The following PIK3C2A variants were observed in gnomAD, a reference collection of about 807,000 sequenced individuals.
The protein encoded by PIK3C2A is phosphatidylinositol 4-phosphate 3-kinase C2 domain-containing subunit alpha.
In PIK3C2A, 97 loss-of-function variants were observed where a neutral mutation model predicts 204.5. The ratio of observed to expected loss-of-function variants is 0.47; its 90% CI spans 0.40 to 0.56. The LOEUF (loss-of-function observed/expected upper bound fraction) is 0.56, where lower values mean the gene tolerates loss of function less well. PIK3C2A is among the 20% of genes least tolerant of loss of function. The pLI is 0.00. For missense variants in PIK3C2A, 1,735 were observed against 1,969.2 expected, an observed-to-expected ratio of 0.88 and a Z score of 2.25; for synonymous variants, 653 against 664.4, an observed-to-expected ratio of 0.98 and a Z score of 0.26.
At chr11:17,129,106 G>A (rs1849613436) in intron 13 of PIK3C2A, among the ~76,000 whole-genome samples, 194 bp downstream of exon 13, 1 of 152,194 alleles carries the variant, frequency 6.6e-6, no homozygotes, top group Non-Finnish European at 1.5e-5. Flanking sequence ...ATTCAGATAT[G>A]TTTAGAATAT....
intron 8 of PIK3C2A, among the ~76,000 whole-genome samples, chr11:17,145,298 C>T (rs1850200883): frequency 6.6e-6 from 1 of 152,006 alleles, no homozygotes; most frequent in Non-Finnish European, 1.5e-5. Context: ...TGTAATAATC[C>T]CCACGTGTCA....
At chr11:17,143,522 G>A (rs1850131749) in intron 8 of PIK3C2A, among the ~76,000 whole-genome samples, 1 of 151,718 alleles carries the variant, frequency 6.6e-6, no homozygotes, top group Non-Finnish European at 1.5e-5. Flanking sequence ...TCTGTACAGG[G>A]CCAAACAGTA....
intron 1 of PIK3C2A, among the ~76,000 whole-genome samples, chr11:17,206,180 A>T (rs1852566897): frequency 6.6e-6 from 1 of 152,240 alleles, no homozygotes; most frequent in African/African-American, 2.4e-5. Context: ...AGAAAACTGC[A>T]GGAAACACGC....
Position 17,110,477 on chromosome 11 carries a change from G to A in PIK3C2A, c.3499C>T (p.Leu1167=), listed in dbSNP as rs757232932. Residue 1167 remains leucine (L), a synonymous_variant, in exon 22 of 33, where the codon CTG becomes TTG. Transcript: ENST00000691414. ...DKIWLKEGLD[L]RMVIFKCLST... is the part of the protein sequence containing the mutation. ...AGACATTTGAAAATTACCATCCTCA[G>A]ATCTAGTCCTTCTTTAAGCCAGATC... 4.3e-6 allele frequency: 7 copies of A among 1,610,966 alleles called. No individual in the cohort carries two copies. The East Asian group carries it at 6.7e-5, about 15-fold the overall frequency.
intron 25 of PIK3C2A, among the ~76,000 whole-genome samples, chr11:17,100,536 T>C (rs1479758609): frequency 6.6e-6 from 1 of 151,980 alleles, no homozygotes; most frequent in Non-Finnish European, 1.5e-5. Context: ...CCACTGTTTT[T>C]ACTTTTATAG....
intron 4 of PIK3C2A, 104 bp downstream of exon 4, chr11:17,150,394 A>G: frequency 2.0e-6 from 2 of 1,004,274 alleles, no homozygotes; most frequent in Non-Finnish European, 2.8e-6. Context: ...AATGCCAAAA[A>G]GACACATAAC....
rs1198417539 is a variant in PIK3C2A at position 17,097,120 on chromosome 11, A to C, written c.4263T>G (p.Asp1421Glu). Residue 1421 changes from aspartate to glutamate, a missense_variant, in exon 27 of 33, where the codon GAT becomes GAG. Physicochemically the swap from Asp to Glu is conservative, Grantham distance 45. Transcript: ENST00000691414. ...AAACAGAGACTTCCTTGATTCGACC[A>C]TCTTGTCTAAAGGAGTATGTTTTAG... ...FSPKTYSFRQ[D>E]GRIKEVSVFT... The C allele has an allele frequency of 1.2e-6, 2 of 1,610,012 alleles. No homozygotes were observed.
intron 1 of PIK3C2A, among the ~76,000 whole-genome samples, chr11:17,197,729 A>G (rs1344670994): frequency 3.3e-5 from 5 of 152,202 alleles, no homozygotes; most frequent in African/African-American, 9.7e-5. Context: ...ACTTTGATCT[A>G]CTTCATTGTT....
At chr11:17,109,484 T>C (rs959419473) in intron 22 of PIK3C2A, among the ~76,000 whole-genome samples, 15 of 152,364 alleles carry the variant, frequency 9.8e-5, no homozygotes, top group African/African-American at 3.6e-4. Flanking sequence ...GATAGAAATC[T>C]GCTATTAGTA....
At position 17,087,117 on chromosome 11, in the gene PIK3C2A, A is replaced by C. The variant is rs2137249854; in HGVS notation, c.*2621T>G. The stretch of plus-strand genomic sequence containing the variant: ...CCCAAAACACTGGCAAGAAGAAATA[A>C]TTCTTCTGATGCAGGACAACATGTA... On this transcript the variant is annotated 3_prime_UTR_variant, in exon 33 of 33. Coordinates refer to ENST00000691414, the MANE Select transcript of PIK3C2A (RefSeq NM_002645.4). 1 of 152,318 alleles carries C rather than the reference A, an allele frequency of 6.6e-6. No individual in the cohort carries two copies. The highest frequency in any genetic ancestry group is 2.1e-4 in the South Asian group (1 of 4,832). 9.4% of individuals were successfully genotyped at this position (152,318 alleles called of 1,614,324 possible).
At chr11:17,206,236 T>C (rs1852569516) in intron 1 of PIK3C2A, among the ~76,000 whole-genome samples, 2 of 152,128 alleles carry the variant, frequency 1.3e-5, no homozygotes, top group African/African-American at 4.8e-5. Context: ...AAAAACCTAC[T>C]TTAGAATGTA....
chr11:17,101,657 G>A (rs567073556), intron 24 of PIK3C2A, among the ~76,000 whole-genome samples: 1 of 147,122 alleles, frequency 6.8e-6, no homozygotes, highest in East Asian at 2.0e-4. Context: ...AGGCTGGAGT[G>A]CAGTGGCGCG....
At chr11:17,119,060 T>C (rs1459364966) in intron 17 of PIK3C2A, among the ~76,000 whole-genome samples, 160 bp downstream of exon 17, 1 of 152,168 alleles carries the variant, frequency 6.6e-6, no homozygotes, top group Non-Finnish European at 1.5e-5. Flanking sequence ...CAGATGACAA[T>C]AGTGGGGAAA....
In PIK3C2A at chr11:17,147,551, G is replaced by T. The variant is rs751588184; in HGVS notation, c.1526C>A (p.Thr509Asn). Residue 509 changes from threonine (T) to asparagine (N), a missense_variant, in exon 6 of 33, where the codon ACC (threonine) becomes AAC (asparagine). By Grantham distance (65) the Thr-to-Asn change is moderately conservative. This residue lies in a region of PIK3C2A where 106 missense variants were observed against 108.2 expected (regional missense o/e 0.98). Transcript: ENST00000691414. ...CAGATTTTGACACATTGCACTGAAG[G>T]TCAAGAGTTGTAGTCTAATTTCTGT... ...WDTEIRLQLLTFSAMCQNLAR... is the reference protein window; with the variant it reads ...WDTEIRLQLLNFSAMCQNLAR... 1.9e-6 allele frequency: 3 copies of T among 1,611,044 alleles called. No individual in the cohort carries two copies. The highest frequency in any genetic ancestry group is 1.7e-6 in the Non-Finnish European group (2 of 1,177,272).
intron 28 of PIK3C2A, among the ~76,000 whole-genome samples, chr11:17,092,704 A>G (rs973909751): frequency 2.0e-5 from 3 of 152,126 alleles, no homozygotes. Context: ...TTTCTCTTCA[A>G]AGTATTGGAG....
rs951818825 is a variant in PIK3C2A, at chr11:17,130,683, T to C, written c.2232-1216A>G. Reference sequence around the variant, plus strand: ...TTAGCCAGGCATGGTGGCACACACCTGTAATCTCAGCTACTCAGGAGGCTG... The same window carrying C: ...TTAGCCAGGCATGGTGGCACACACCCGTAATCTCAGCTACTCAGGAGGCTG... On this transcript the variant is annotated intron_variant, in intron 12 of 32. Transcript: ENST00000691414. Among the ~76,000 whole-genome samples the C allele has an allele frequency of 3.3e-5, 5 of 151,146 alleles. No homozygotes were observed. In the East Asian group the frequency reaches 9.8e-4, roughly 30 times the overall value.
chr11:17,169,789 C>A lies in PIK3C2A; in HGVS notation c.-48G>T. On this transcript the variant is annotated 5_prime_UTR_variant, in exon 2 of 33. Transcript: ENST00000691414. The stretch of plus-strand genomic sequence containing the variant: ...TCCTTCCTCTATTTTTTTCTTGTAG[C>A]TTCCAAAATAGCAAGGCCTATACAT... 7.7e-7 allele frequency: 1 copy of A among 1,295,034 alleles called. No individual in the cohort carries two copies. Among genetic ancestry groups the A allele is most frequent in the South Asian group, 1.4e-5 (1 of 71,170 alleles). 80.2% of individuals were successfully genotyped at this position (1,295,034 alleles called of 1,614,324 possible).
chr11:17,090,433 C>T (rs1324994682), intron 32 of PIK3C2A, among the ~76,000 whole-genome samples: 1 of 152,178 alleles, frequency 6.6e-6, no homozygotes, highest in African/African-American at 2.4e-5. Flanking sequence ...CTCTATTGCA[C>T]TCTAGCCTGG....
intron 17 of PIK3C2A, among the ~76,000 whole-genome samples, 156 bp downstream of exon 17, chr11:17,119,063 TG>T (rs1396863330): frequency 6.6e-6 from 1 of 152,106 alleles, no homozygotes; most frequent in African/African-American, 2.4e-5. Flanking sequence ...ATGACAATAG[TG>T]GGGAAAAAAT....
Sources: allele counts gnomAD v4.1 joint callset (sites outside exome capture counted in the v4.1 genomes callset), GRCh38; gene constraint gnomAD v4.1.1; regional missense constraint gnomAD v4.1.1; transcripts MANE v1.5; gene names NCBI Gene and HGNC (gene_info 2026-07-23, HGNC 2026-07-21).